The following ANO2 variants were observed in gnomAD, a reference collection of about 807,000 sequenced individuals.
ANO2 encodes the protein anoctamin 2.
In ANO2, 101 loss-of-function variants were observed where a neutral mutation model predicts 124.2. The ratio of observed to expected loss-of-function variants is 0.81; its 90% CI spans 0.69 to 0.96. The LOEUF is 0.96. Ranked by LOEUF, ANO2 falls within the 40% of genes least tolerant of loss-of-function variation. ANO2 has a pLI of 0.00. For missense variants in ANO2, 1,293 were observed against 1,274.5 expected (o/e 1.01, Z -0.22); for synonymous variants, 486 against 482.5 (o/e 1.01, Z -0.09).
In ANO2 at chr12:5,742,778, G is replaced by A. The variant is rs150987360; in HGVS notation, c.1351+1379C>T. ...TCTGGGTTCCAAATCAGTTCAGGTGGATCTTGGGGTAATTCCACAATGCTC... is the reference window on the plus strand; with the variant it reads ...TCTGGGTTCCAAATCAGTTCAGGTGAATCTTGGGGTAATTCCACAATGCTC... On this transcript the variant is annotated intron_variant, in intron 12 of 24. Coordinates refer to ENST00000682330, the MANE Select transcript of ANO2 (RefSeq NM_001364791.2). 3.6e-3 allele frequency among the ~76,000 whole-genome samples: 549 copies of A among 152,254 alleles called. 2 individuals are homozygous for A. The highest frequency in any genetic ancestry group is 0.012 in the African/African-American group (487 of 41,556).
intron 7 of ANO2, among the ~76,000 whole-genome samples, chr12:5,818,811 T>C (rs899147238): frequency 6.6e-6 from 1 of 152,138 alleles, no homozygotes; most frequent in Non-Finnish European, 1.5e-5. Context: ...CTGTACATAA[T>C]ACCTTTGACC....
chr12:5,633,259 A>AAAG, intron 16 of ANO2, among the ~76,000 whole-genome samples: 1 of 152,192 alleles, frequency 6.6e-6, no homozygotes, highest in East Asian at 1.9e-4. Context: ...TGCAGGAAGC[A>AAAG]GGTGTTCTTC....
intron 7 of ANO2, among the ~76,000 whole-genome samples, chr12:5,823,467 G>T (rs1373647566): frequency 6.6e-6 from 1 of 152,226 alleles, no homozygotes; most frequent in East Asian, 1.9e-4. Context: ...ATCAAGCAGG[G>T]CAGTAAAATT....
chr12:5,606,082 A>C (rs1319648764), intron 19 of ANO2, among the ~76,000 whole-genome samples: 1 of 152,108 alleles, frequency 6.6e-6, no homozygotes, highest in Non-Finnish European at 1.5e-5. Flanking sequence ...CTCCCTTTGA[A>C]GCATTTTGTT....
intron 15 of ANO2, among the ~76,000 whole-genome samples, chr12:5,645,314 G>A (rs958255312): frequency 4.6e-5 from 7 of 151,986 alleles, no homozygotes; most frequent in Non-Finnish European, 7.4e-5. Context: ...GCTTGAACCC[G>A]GGGGGCGGAG....
At chr12:5,679,273 A>G (rs1403266777) in intron 14 of ANO2, among the ~76,000 whole-genome samples, 1 of 152,248 alleles carries the variant, frequency 6.6e-6, no homozygotes, top group Non-Finnish European at 1.5e-5. Flanking sequence ...CAACAAAAGC[A>G]AAAATTGACA....
intron 14 of ANO2, among the ~76,000 whole-genome samples, chr12:5,657,794 A>T (rs1280268116): frequency 6.7e-6 from 1 of 148,402 alleles, no homozygotes; most frequent in Non-Finnish European, 1.5e-5. Flanking sequence ...TCTGGCAGCC[A>T]ATGCTATAAA....
intron 20 of ANO2, among the ~76,000 whole-genome samples, chr12:5,588,674 C>T (rs1006056288): frequency 3.9e-5 from 6 of 152,302 alleles, no homozygotes; most frequent in African/African-American, 1.4e-4. Context: ...AACGTCCCTT[C>T]CTCAAAAAAC....
At chr12:5,931,293 C>G (rs1029274646) in intron 1 of ANO2, among the ~76,000 whole-genome samples, 2 of 152,084 alleles carry the variant, frequency 1.3e-5, no homozygotes, top group African/African-American at 4.8e-5. Flanking sequence ...ATGCCAGGCT[C>G]CAAGCACAGC....
In ANO2 at chr12:5,921,386, A is replaced by G. The variant is rs1217853908; in HGVS notation, c.208-20T>C. 6.2e-7 allele frequency: 1 copy of G among 1,607,004 alleles called. No homozygotes were observed. The highest frequency in any genetic ancestry group is 8.5e-7 in the Non-Finnish European group (1 of 1,175,556). On this transcript the variant is annotated intron_variant, in intron 2 of 24. Transcript: ENST00000682330. ...GATGACCTGGCCAGAGAGAGAGGAG[A>G]GGCAGGGCAAGGTCTGGTGAGTAAG...
At chr12:5,625,755 T>G (rs1364310295) in intron 16 of ANO2, among the ~76,000 whole-genome samples, 7 of 152,162 alleles carry the variant, frequency 4.6e-5, no homozygotes, top group Non-Finnish European at 7.3e-5. Flanking sequence ...GACTGGGTGA[T>G]TTCCCAGGTT....
At chr12:5,868,670 C>A (rs558122587) in intron 3 of ANO2, among the ~76,000 whole-genome samples, 1 of 152,216 alleles carries the variant, frequency 6.6e-6, no homozygotes, top group South Asian at 2.1e-4. Context: ...TTTTCTCCCC[C>A]TCTATGAGGC....
intron 15 of ANO2, among the ~76,000 whole-genome samples, chr12:5,640,687 A>C (rs539785759): frequency 6.6e-6 from 1 of 152,194 alleles, no homozygotes; most frequent in African/African-American, 2.4e-5. Context: ...ACCATCCCAC[A>C]CCAGTTAGAA....
At chr12:5,722,990 G>A (rs1950292236) in intron 14 of ANO2, among the ~76,000 whole-genome samples, 1 of 152,214 alleles carries the variant, frequency 6.6e-6, no homozygotes, top group Non-Finnish European at 1.5e-5. Context: ...TGCCATGTAA[G>A]AGAGTGCTAA....
intron 14 of ANO2, among the ~76,000 whole-genome samples, chr12:5,657,891 G>A (rs1232311707): frequency 6.6e-6 from 1 of 152,192 alleles, no homozygotes; most frequent in Non-Finnish European, 1.5e-5. Flanking sequence ...TACACTGAGA[G>A]GAGTTATGCT....
chr12:5,893,852 G>A lies in ANO2; in HGVS notation c.534+27188C>T, dbSNP rs996208210. On this transcript the variant is annotated intron_variant, in intron 3 of 24. Coordinates refer to ENST00000682330, the MANE Select transcript of ANO2 (RefSeq NM_001364791.2). ...TTTTTATGGCTGCATAGTATTCCACGGTGTATATGTGCCACATTTTCTTTA... is the reference window on the plus strand; with the variant it reads ...TTTTTATGGCTGCATAGTATTCCACAGTGTATATGTGCCACATTTTCTTTA... Among the ~76,000 whole-genome samples, 9 of 152,208 alleles carry A rather than the reference G, an allele frequency of 5.9e-5. No homozygotes were observed. The East Asian group carries it at 7.7e-4, about 13-fold the overall frequency.
At chr12:5,848,929 T>C (rs1383513690) in intron 4 of ANO2, among the ~76,000 whole-genome samples, 1 of 152,196 alleles carries the variant, frequency 6.6e-6, no homozygotes, top group Non-Finnish European at 1.5e-5. Context: ...AATTCTCATG[T>C]GTTGTGTGTG....
At chr12:5,743,849 G>A (rs979543697) in intron 12 of ANO2, among the ~76,000 whole-genome samples, 25 of 152,162 alleles carry the variant, frequency 1.6e-4, no homozygotes, top group African/African-American at 6.0e-4. Flanking sequence ...ACCTGCAGGA[G>A]TCTTACAGGT....
intron 14 of ANO2, among the ~76,000 whole-genome samples, chr12:5,652,389 T>C (rs1388224155): frequency 6.6e-6 from 1 of 152,204 alleles, no homozygotes; most frequent in Non-Finnish European, 1.5e-5. Flanking sequence ...ACCGATATTG[T>C]ACAGTATTAT....
Sources: gnomAD v4.1 joint callset for allele counts (sites outside exome capture counted in the v4.1 genomes callset) on GRCh38, gnomAD v4.1.1 for gene constraint, MANE v1.5 for transcripts, NCBI Gene and HGNC (gene_info 2026-07-23, HGNC 2026-07-21) for gene names.